ERC1: variants seen among roughly 807,000 people sequenced by gnomAD.
The protein encoded by ERC1 is RAB6 interacting protein 2.
In ERC1, 56 loss-of-function variants were observed where a neutral mutation model predicts 132.0. That is an observed-to-expected ratio of 0.42 (90% CI 0.34 to 0.53). The LOEUF (loss-of-function observed/expected upper bound fraction) is 0.53. Ranked by LOEUF, ERC1 falls within the 20% of genes least tolerant of loss-of-function variation. ERC1 has a pLI of 0.03. For synonymous variants in ERC1, 478 were observed against 476.1 expected (o/e 1.00, Z -0.05); for missense variants, 1,202 against 1,349.9 (o/e 0.89, Z 1.72).
chr12:1,151,340 C>G (rs1233830830), intron 8 of ERC1, among the ~76,000 whole-genome samples: 1 of 152,156 alleles, frequency 6.6e-6, no homozygotes. Flanking sequence ...AGTAGTCAAC[C>G]TAATTCTATT....
At chr12:1,467,460 T>C (rs1234818011) in intron 18 of ERC1, among the ~76,000 whole-genome samples, 1 of 152,154 alleles carries the variant, frequency 6.6e-6, no homozygotes, top group Non-Finnish European at 1.5e-5. Flanking sequence ...GCTTAACCTC[T>C]TCATTGTATC....
intron 8 of ERC1, among the ~76,000 whole-genome samples, chr12:1,169,054 T>G (rs938521754): frequency 1.3e-5 from 2 of 152,058 alleles, no homozygotes; most frequent in Admixed American, 1.3e-4. Context: ...AACAACCAAG[T>G]TGGTGATATA....
At chr12:1,076,058 A>G (rs961913623) in intron 2 of ERC1, among the ~76,000 whole-genome samples, 1 of 152,238 alleles carries the variant, frequency 6.6e-6, no homozygotes, top group African/African-American at 2.4e-5. Context: ...CATGTAAAAT[A>G]AATGCTTTAT....
At chr12:1,187,505 A>G (rs561401705) in intron 11 of ERC1, among the ~76,000 whole-genome samples, 1 of 151,876 alleles carries the variant, frequency 6.6e-6, no homozygotes, top group South Asian at 2.1e-4. Flanking sequence ...GGGCTCAAGG[A>G]ATTCTCCCAG....
At chr12:1,208,214 T>G (rs1957519699) in intron 12 of ERC1, among the ~76,000 whole-genome samples, 1 of 152,220 alleles carries the variant, frequency 6.6e-6, no homozygotes, top group Admixed American at 6.5e-5. Flanking sequence ...ATTTCAAGTT[T>G]ACTTCACACT....
intron 11 of ERC1, among the ~76,000 whole-genome samples, chr12:1,184,852 A>G (rs1384155385): frequency 6.6e-6 from 1 of 152,108 alleles, no homozygotes; most frequent in Non-Finnish European, 1.5e-5. Context: ...TTCTAGGTAT[A>G]AGTGATCTTC....
intron 1 of ERC1, among the ~76,000 whole-genome samples, chr12:1,013,770 C>T (rs147172049): frequency 6.6e-6 from 1 of 152,272 alleles, no homozygotes; most frequent in African/African-American, 2.4e-5. Flanking sequence ...CTTCCTTTGT[C>T]ACCCAGGCTG....
chr12:1,007,492 CTTTCTCTCTCTCTCACTGGGTAAT>C (rs1963881334), intron 1 of ERC1, among the ~76,000 whole-genome samples: 2 of 129,892 alleles, frequency 1.5e-5, no homozygotes, highest in Admixed American at 7.8e-5. Flanking sequence ...CTCTCTCTCT[CTTTCTCTCTCTCTCACTGGGTAAT>C]TCTCTCTCTC....
At chr12:1,020,646 A>G (rs1297310133) in intron 1 of ERC1, 1 of 152,222 alleles carries the variant, frequency 6.6e-6, no homozygotes, top group African/African-American at 2.4e-5. Context: ...AGGAGACCTC[A>G]GTTTCTGAAT....
chr12:1,440,363 C>G (rs952116950), intron 17 of ERC1, among the ~76,000 whole-genome samples: 3 of 149,940 alleles, frequency 2.0e-5, no homozygotes, highest in African/African-American at 2.5e-5. Context: ...CGCCACCACG[C>G]CCGGCTAATT....
chr12:1,367,767 C>T (rs2086799734), intron 15 of ERC1, among the ~76,000 whole-genome samples: 1 of 152,006 alleles, frequency 6.6e-6, no homozygotes, highest in Non-Finnish European at 1.5e-5. Context: ...TTAGAATTTG[C>T]AGGTCAAAGG....
chr12:1,038,577 T>C (rs1434015103), intron 2 of ERC1, among the ~76,000 whole-genome samples: 1 of 152,158 alleles, frequency 6.6e-6, no homozygotes, highest in African/African-American at 2.4e-5. Flanking sequence ...GCCAGACTGG[T>C]CTTGAATTCC....
chr12:1,408,617 T>A (rs535319583), intron 17 of ERC1, among the ~76,000 whole-genome samples: 1 of 152,350 alleles, frequency 6.6e-6, no homozygotes, highest in Non-Finnish European at 1.5e-5. Context: ...CAAGACTCTT[T>A]CCTTACAAGC....
chr12:1,479,128 C>T (rs1223138644), intron 18 of ERC1, among the ~76,000 whole-genome samples: 1 of 152,054 alleles, frequency 6.6e-6, no homozygotes, highest in Admixed American at 6.5e-5. Flanking sequence ...GTTCTCTTTT[C>T]GTCCCATTGG....
chr12:1,112,324 TGTGTGCAGTGGTCCCACAG>T (rs760561069), intron 6 of ERC1, 26 bp downstream of exon 6: 16 of 1,545,904 alleles, frequency 1.0e-5, no homozygotes, highest in Non-Finnish European at 1.1e-5. Context: ...TTTACCTCTT[TGTGTGCAGTGGTCCCACAG>T]TGGGACCCTG....
intron 14 of ERC1, among the ~76,000 whole-genome samples, chr12:1,278,887 G>T (rs556671484): frequency 1.3e-5 from 2 of 152,058 alleles, no homozygotes; most frequent in South Asian, 4.1e-4. Flanking sequence ...AATACGGATA[G>T]CCCTAAAAGA....
chr12:1,214,440 GTTA>G (rs1362065067), intron 12 of ERC1, among the ~76,000 whole-genome samples: 2 of 152,012 alleles, frequency 1.3e-5, no homozygotes, highest in Non-Finnish European at 2.9e-5. Context: ...ACTTGTAAGG[GTTA>G]TTATGGTATT....
At chr12:1,315,268 C>T (rs571294444) in intron 15 of ERC1, among the ~76,000 whole-genome samples, 36 of 152,178 alleles carry the variant, frequency 2.4e-4, no homozygotes, top group Non-Finnish European at 4.1e-4. Context: ...CCACCCACCT[C>T]GGCCTTCCAA....
rs142871141 is a variant in ERC1, at chr12:1,104,799, C to G, written c.1136C>G (p.Ala379Gly). The G allele has an allele frequency of 3.4e-4, 553 of 1,612,460 alleles. 1 individual carries two copies. Among genetic ancestry groups the G allele is most frequent in the Non-Finnish European group, 4.4e-4 (524 of 1,178,534 alleles). ...GCTCCTGATTCTGCCAAAACAAAAG[C>G]TCTGCAAACTGTTATTGAGATGAAG... is the stretch of plus-strand genomic sequence containing the variant. Reference protein sequence around the residue: ...ENAPDSAKTKALQTVIEMKDS... With the variant: ...ENAPDSAKTKGLQTVIEMKDS... The change falls in exon 4 of 19, where the codon GCT (alanine) becomes GGT (glycine). Residue 379 changes from alanine to glycine, a missense_variant. Transcript: ENST00000360905.
Sources: gnomAD v4.1 joint callset for allele counts (sites outside exome capture counted in the v4.1 genomes callset) on GRCh38, gnomAD v4.1.1 for gene constraint, MANE v1.5 for transcripts, NCBI Gene and HGNC (gene_info 2026-07-23, HGNC 2026-07-21) for gene names.